SLC31A2: variants seen among roughly 807,000 people sequenced by gnomAD.
SLC31A2 encodes the protein solute carrier family 31 member 2, also known as protein SLC31A2.
SLC31A2 carries 16 observed loss-of-function variants against 14.4 expected under a neutral mutation model. That is an observed-to-expected ratio of 1.11 (90% CI 0.75 to 1.69). The LOEUF (loss-of-function observed/expected upper bound fraction) is 1.69, where lower values mean the gene tolerates loss of function less well. Among genes scored for constraint, SLC31A2 ranks in the 40% most tolerant of loss-of-function variants. SLC31A2 has a pLI of 0.00. For synonymous variants in SLC31A2, 56 were observed against 68.7 expected, an observed-to-expected ratio of 0.82 and a Z score of 0.91; for missense variants, 140 against 173.9, an observed-to-expected ratio of 0.81 and a Z score of 1.10.
chr9:113,159,217 A>ACCTC (rs1829974376), intron 2 of SLC31A2, among the ~76,000 whole-genome samples: 1 of 151,796 alleles, frequency 6.6e-6, no homozygotes. Context: ...TGCAATCTCC[A>ACCTC]CCTCCCAGGT....
Position 113,155,759 on chromosome 9 carries a change from T to G in SLC31A2, c.7-1968T>G, listed in dbSNP as rs1351805704. ...ATGGAACACTTCTGAGAAACACCCC[T>G]CCAGCTTTGACATGTATGGGAAAAA... On this transcript the variant is annotated intron_variant, in intron 1 of 3. Coordinates refer to ENST00000259392, the MANE Select transcript of SLC31A2 (RefSeq NM_001860.3). Among the ~76,000 whole-genome samples the G allele has an allele frequency of 2.2e-5, 3 of 136,662 alleles. No homozygotes were observed. The East Asian group carries it at 6.7e-4, about 30-fold the overall frequency. The allele number at this position is 136,662 out of a possible 152,430, so 89.7% of individuals were successfully genotyped here.
intron 3 of SLC31A2, 137 bp downstream of exon 3, chr9:113,161,835 TACAC>T: frequency 1.1e-6 from 1 of 918,778 alleles, no homozygotes; most frequent in Non-Finnish European, 1.7e-6. Context: ...CCAAAGTGGC[TACAC>T]ATAGCCAAGT....
At position 113,163,161 on chromosome 9, in the gene SLC31A2, C is replaced by A; in HGVS notation, c.*244C>A. On this transcript the variant is annotated 3_prime_UTR_variant, in exon 4 of 4. Coordinates refer to ENST00000259392, the MANE Select transcript of SLC31A2 (RefSeq NM_001860.3). ...TGTGTCTTAAGACAGCTGCTGTGACCAAAGGGAGAATGGAGATAACAGGGG... is the reference window on the plus strand; with the variant it reads ...TGTGTCTTAAGACAGCTGCTGTGACAAAAGGGAGAATGGAGATAACAGGGG... 2.9e-6 allele frequency: 1 copy of A among 340,946 alleles called. No individual in the cohort carries two copies. The highest frequency in any genetic ancestry group is 5.3e-6 in the Non-Finnish European group (1 of 188,624). 21.1% of individuals were successfully genotyped at this position (340,946 alleles called of 1,614,324 possible).
chr9:113,156,036 A>C (rs757493872), intron 1 of SLC31A2: 1 of 519,006 alleles, frequency 1.9e-6, no homozygotes, highest in East Asian at 5.4e-5. Context: ...GTCTGCAAGC[A>C]GAAGTTTGTG....
chr9:113,161,133 C>T, intron 2 of SLC31A2: 2 of 192,204 alleles, frequency 1.0e-5, no homozygotes, highest in Non-Finnish European at 2.1e-5. Flanking sequence ...ATAACTATTA[C>T]TCTTGTGCTA....
At chr9:113,159,457 G>A (rs564754053) in intron 2 of SLC31A2, among the ~76,000 whole-genome samples, 7 of 151,922 alleles carry the variant, frequency 4.6e-5, no homozygotes, top group African/African-American at 1.7e-4. Flanking sequence ...ATTCTTTTTT[G>A]CACTGTTTGA....
Position 113,151,142 on chromosome 9 carries a change from C to A in SLC31A2, c.6+62C>A. 2 of 1,275,164 alleles carry A rather than the reference C, an allele frequency of 1.6e-6. No homozygotes were observed. Among genetic ancestry groups the A allele is most frequent in the East Asian group, 3.0e-5 (1 of 33,730 alleles). The allele number at this position is 1,275,164 out of a possible 1,614,324, so 79.0% of individuals were successfully genotyped here. A position where few individuals can be genotyped will look rare whatever the true frequency, so the allele number is the denominator to read the frequency against. ...TTGGGGCGGGGTCTCCTGGAGCTGC[C>A]ATCTCGGCACCCCGAATCCTCGCTG... On this transcript the variant is annotated intron_variant, in intron 1 of 3. Transcript: ENST00000259392. The surrounding 1 kb of genome is among the most constrained non-coding windows in gnomAD (Gnocchi z 4.2).
chr9:113,157,893 G>C, intron 2 of SLC31A2, 100 bp downstream of exon 2: 2 of 856,448 alleles, frequency 2.3e-6, no homozygotes, highest in East Asian at 5.3e-5. Flanking sequence ...ATTTAAGTGA[G>C]GCTGATTCCT....
At chr9:113,153,975 A>G (rs7856379) in intron 1 of SLC31A2, among the ~76,000 whole-genome samples, 86,596 of 151,838 alleles carry the variant, frequency 0.57, 24,896 homozygotes, top group Non-Finnish European at 0.6. Context: ...ACTCACTGTT[A>G]TTGTTGTTGT....
At chr9:113,157,252 C>G (rs1054633668) in intron 1 of SLC31A2, among the ~76,000 whole-genome samples, 2 of 152,214 alleles carry the variant, frequency 1.3e-5, no homozygotes, top group African/African-American at 4.8e-5. Flanking sequence ...ACAGTGAAGA[C>G]AGCTGCCTCT....
intron 1 of SLC31A2, chr9:113,152,271 C>G (rs1829878571): frequency 6.6e-6 from 1 of 152,280 alleles, no homozygotes; most frequent in Non-Finnish European, 1.5e-5. Flanking sequence ...AGTAGGAAAA[C>G]AAGATTGGGG....
intron 1 of SLC31A2, among the ~76,000 whole-genome samples, chr9:113,154,387 G>C (rs7860081): frequency 0.56 from 85,774 of 151,936 alleles, 24,445 homozygotes; most frequent in Non-Finnish European, 0.6. Flanking sequence ...AGCTGGGAGG[G>C]AGATCCAGGC....
intron 2 of SLC31A2, among the ~76,000 whole-genome samples, chr9:113,158,622 G>A (rs1203552507): frequency 6.6e-6 from 1 of 152,214 alleles, no homozygotes; most frequent in African/African-American, 2.4e-5. Context: ...CTCAGCTGGA[G>A]TTGTTGGCTG....
intron 2 of SLC31A2, 65 bp from the exon 3 acceptor site, chr9:113,161,444 G>A: frequency 2.1e-6 from 3 of 1,421,932 alleles, no homozygotes; most frequent in Non-Finnish European, 9.9e-7. Context: ...ATGAACAGGT[G>A]GAGGTGCTGG....
In SLC31A2 at chr9:113,151,192, G is replaced by A; in HGVS notation, c.6+112G>A. ...GCCGCTGGCCCGGGGCTGGTGAAGGGTGTGTTGGCAGCATTGCCAACAGCT... is the reference window on the plus strand; with the variant it reads ...GCCGCTGGCCCGGGGCTGGTGAAGGATGTGTTGGCAGCATTGCCAACAGCT... On this transcript the variant is annotated intron_variant, in intron 1 of 3. Transcript: ENST00000259392. This position sits in a 1 kb window ranked among gnomAD's most constrained non-coding sequence, Gnocchi z 4.2. The A allele has an allele frequency of 8.8e-7, 1 of 1,134,518 alleles. No homozygotes were observed. Among genetic ancestry groups the A allele is most frequent in the Non-Finnish European group, 1.1e-6 (1 of 882,810 alleles). The allele number at this position is 1,134,518 out of a possible 1,614,324, so 70.3% of individuals were successfully genotyped here.
chr9:113,162,835 A>G lies in SLC31A2; in HGVS notation c.350A>G (p.Tyr117Cys), dbSNP rs1036842030. The stretch of plus-strand genomic sequence containing the variant: ...TTCATCATGCTGGCCGTAATGTCCT[A>G]CAACACCTGGATTTTCCTTGGTGTG... ...GYFIMLAVMSYNTWIFLGVVL... is the reference protein window; with the variant it reads ...GYFIMLAVMSCNTWIFLGVVL... The change falls in exon 4 of 4, where the codon TAC becomes TGC. Residue 117 changes from tyrosine to cysteine, a missense_variant. Transcript: ENST00000259392. 1 of 1,613,764 alleles carries G rather than the reference A, an allele frequency of 6.2e-7. No individual in the cohort carries two copies. Among genetic ancestry groups the G allele is most frequent in the South Asian group, 1.1e-5 (1 of 91,064 alleles).
chr9:113,151,926 A>G lies in SLC31A2; in HGVS notation c.6+846A>G, dbSNP rs1829872129. On this transcript the variant is annotated intron_variant, in intron 1 of 3. Coordinates refer to ENST00000259392, the MANE Select transcript of SLC31A2 (RefSeq NM_001860.3). This position sits in a 1 kb window ranked among gnomAD's most constrained non-coding sequence, Gnocchi z 4.2. ...TGAGCCATGACCTTCGGCCTGGGCA[A>G]CAGAACAAGACGTCCTCAAACAAAC... 1 of 150,328 alleles carries G rather than the reference A, an allele frequency of 6.7e-6. No individual in the cohort carries two copies. Among genetic ancestry groups the G allele is most frequent in the Non-Finnish European group, 1.5e-5 (1 of 67,680 alleles). The allele number at this position is 150,328 out of a possible 1,614,324, so 9.3% of individuals were successfully genotyped here. A position where few individuals can be genotyped will look rare whatever the true frequency, so the allele number is the denominator to read the frequency against.
At chr9:113,161,795 C>A in intron 3 of SLC31A2, 97 bp downstream of exon 3, 1 of 1,346,856 alleles carries the variant, frequency 7.4e-7, no homozygotes, top group South Asian at 1.2e-5. Flanking sequence ...ACAGAGAGGA[C>A]AGCGAGGCCC....
At chr9:113,158,457 C>G (rs919333568) in intron 2 of SLC31A2, among the ~76,000 whole-genome samples, 1 of 152,190 alleles carries the variant, frequency 6.6e-6, no homozygotes, top group Non-Finnish European at 1.5e-5. Flanking sequence ...TTTTATCATT[C>G]TCTCTCAAGG....
Sources: gnomAD v4.1 joint callset for allele counts (sites outside exome capture counted in the v4.1 genomes callset) on GRCh38, gnomAD v4.1.1 for gene constraint, Gnocchi (gnomAD v3.1) non-coding constraint, MANE v1.5 for transcripts, NCBI Gene and HGNC (gene_info 2026-07-23, HGNC 2026-07-21) for gene names.